Variants in ZNF100 observed in about 807,000 individuals in gnomAD.
ZNF100 encodes zinc finger protein 100.
ZNF100 carries 12 observed loss-of-function variants against 15.8 expected under a neutral mutation model. The observed-to-expected ratio is 0.76, with a 90% CI of 0.49 to 1.23. ZNF100 has a LOEUF of 1.23. Among genes scored for constraint, ZNF100 ranks in the 50% most tolerant of loss-of-function variants. The probability of loss-of-function intolerance (pLI) is 0.00; values close to 1 mark genes in which losing one functional copy is unlikely to be tolerated. For missense variants in ZNF100, 670 were observed against 635.6 expected, an observed-to-expected ratio of 1.05 and a Z score of -0.58; for synonymous variants, 226 against 214.8, an observed-to-expected ratio of 1.05 and a Z score of -0.45.
At chr19:21,760,945 A>G (rs2036474603) in intron 2 of ZNF100, among the ~76,000 whole-genome samples, 1 of 151,784 alleles carries the variant, frequency 6.6e-6, no homozygotes, top group South Asian at 2.1e-4. Flanking sequence ...TTTTTAGTAC[A>G]GACAGGGTTT....
Position 21,727,780 on chromosome 19 carries a change from G to T in ZNF100, c.532C>A (p.Gln178Lys), listed in dbSNP as rs373244973. 10 of 1,613,706 alleles carry T rather than the reference G, an allele frequency of 6.2e-6. No individual in the cohort carries two copies. The highest frequency in any genetic ancestry group is 1.6e-4 in the Middle Eastern group (1 of 6,080). The change falls in exon 5 of 5, where the codon CAA becomes AAA. Residue 178 changes from glutamine to lysine, a missense_variant. Transcript: ENST00000358296. ...CLITTQSNIF[Q>K]CDPSAKVFHT... The stretch of plus-strand genomic sequence containing the variant: ...AAGACTTTTGCAGATGGATCACATT[G>T]AAATATGTTGCTCTGGGTAGTTATC...
At chr19:21,746,867 G>C (rs1012356730) in intron 2 of ZNF100, 1 of 151,988 alleles carries the variant, frequency 6.6e-6, no homozygotes, top group Non-Finnish European at 1.5e-5. Context: ...TCTTCTCTTG[G>C]AATCCTTTTC....
chr19:21,735,421 G>A (rs1052178206), intron 4 of ZNF100, among the ~76,000 whole-genome samples: 10 of 151,154 alleles, frequency 6.6e-5, no homozygotes, highest in Non-Finnish European at 1.5e-4. Context: ...ATGAACCCCG[G>A]AGGCGGAGCT....
At chr19:21,735,225 T>C (rs2035986970) in intron 4 of ZNF100, among the ~76,000 whole-genome samples, 1 of 152,158 alleles carries the variant, frequency 6.6e-6, no homozygotes, top group Non-Finnish European at 1.5e-5. Flanking sequence ...TTAAATGGAC[T>C]GAATGCTCCA....
chr19:21,754,324 C>T (rs1423510210), intron 2 of ZNF100, among the ~76,000 whole-genome samples: 1 of 151,548 alleles, frequency 6.6e-6, no homozygotes, highest in Non-Finnish European at 1.5e-5. Flanking sequence ...AAGAATGTTA[C>T]AATTTATGTG....
chr19:21,766,385 C>G (rs1389518013), intron 1 of ZNF100, among the ~76,000 whole-genome samples: 2 of 148,342 alleles, frequency 1.3e-5, no homozygotes, highest in Non-Finnish European at 3.0e-5. Context: ...GGCAATTCCA[C>G]TGAGGTGTCT....
intron 4 of ZNF100, among the ~76,000 whole-genome samples, chr19:21,738,248 C>CAAAAA (rs769582572): frequency 4.7e-5 from 2 of 42,994 alleles, no homozygotes; most frequent in African/African-American, 1.9e-4. Context: ...GACACTATGT[C>CAAAAA]AAAAAAAAAA....
intron 2 of ZNF100, among the ~76,000 whole-genome samples, chr19:21,760,881 C>T (rs971774754): frequency 6.6e-6 from 1 of 151,480 alleles, no homozygotes; most frequent in African/African-American, 2.4e-5. Flanking sequence ...CTCAGCCTCC[C>T]GAGTAGCTGG....
chr19:21,744,448 C>CTACAACCT (rs2036175453), intron 3 of ZNF100, among the ~76,000 whole-genome samples: 1 of 152,164 alleles, frequency 6.6e-6, no homozygotes, highest in Admixed American at 6.5e-5. Flanking sequence ...TCTCGGCTCA[C>CTACAACCT]TACAACCTCC....
Position 21,726,453 on chromosome 19 carries a change from T to C in ZNF100, c.*230A>G. On this transcript the variant is annotated 3_prime_UTR_variant, in exon 5 of 5. Coordinates refer to ENST00000358296, the MANE Select transcript of ZNF100 (RefSeq NM_173531.4). ...TCACATTCTTCACATTTCTAGGATTTCTCAACACTATGATTTATGTTTTGA... is the reference window on the plus strand; with the variant it reads ...TCACATTCTTCACATTTCTAGGATTCCTCAACACTATGATTTATGTTTTGA... The C allele has an allele frequency of 2.0e-6, 1 of 488,526 alleles. No individual in the cohort carries two copies. Among genetic ancestry groups the C allele is most frequent in the Non-Finnish European group, 3.6e-6 (1 of 278,920 alleles). 30.3% of individuals were successfully genotyped at this position (488,526 alleles called of 1,614,324 possible).
rs1193056198 is a variant in ZNF100, at chr19:21,726,122, C to T, written c.*561G>A. 1 of 152,460 alleles carries T rather than the reference C, an allele frequency of 6.6e-6. No individual in the cohort carries two copies. The highest frequency in any genetic ancestry group is 1.5e-5 in the Non-Finnish European group (1 of 68,298). The allele number at this position is 152,460 out of a possible 1,614,324, so 9.4% of individuals were successfully genotyped here. ...TACAAGTAAACATATTACAATTCTA[C>T]TACAATGTTCTTCTTCAAAATACTC... On this transcript the variant is annotated 3_prime_UTR_variant, in exon 5 of 5. Transcript: ENST00000358296.
chr19:21,730,344 C>A (rs780670236), intron 4 of ZNF100, among the ~76,000 whole-genome samples: 11 of 150,462 alleles, frequency 7.3e-5, no homozygotes, highest in Non-Finnish European at 1.6e-4. Flanking sequence ...CTACATCTTA[C>A]GTGAAAAACT....
chr19:21,751,497 T>C (rs1463006757), intron 2 of ZNF100: 9 of 1,038,678 alleles, frequency 8.7e-6, no homozygotes, highest in Non-Finnish European at 1.4e-5. Context: ...TTAGAAAGGC[T>C]TTTAACTTAT....
chr19:21,737,389 G>A (rs1177115672), intron 4 of ZNF100, among the ~76,000 whole-genome samples: 1 of 151,742 alleles, frequency 6.6e-6, no homozygotes, highest in African/African-American at 2.4e-5. Context: ...AAAAAAATTA[G>A]TTGGGCATGG....
intron 2 of ZNF100, among the ~76,000 whole-genome samples, chr19:21,764,969 A>G (rs2036536473): frequency 6.6e-6 from 1 of 152,210 alleles, no homozygotes; most frequent in African/African-American, 2.4e-5. Context: ...GCCTGGGAGC[A>G]TTCTAAAAGC....
intron 4 of ZNF100, among the ~76,000 whole-genome samples, chr19:21,743,689 G>C (rs1365475865): frequency 1.3e-5 from 2 of 151,920 alleles, no homozygotes; most frequent in African/African-American, 4.8e-5. Flanking sequence ...AGATATCTGT[G>C]TGTCCCCCCA....
At chr19:21,750,393 A>T (rs887504271) in intron 2 of ZNF100, 10 of 152,160 alleles carry the variant, frequency 6.6e-5, no homozygotes, top group African/African-American at 2.4e-4. Flanking sequence ...GAGACACAAT[A>T]AAAAAAGAAA....
chr19:21,730,455 T>A (rs865913036), intron 4 of ZNF100, among the ~76,000 whole-genome samples: 2,856 of 150,438 alleles, frequency 0.019, 92 homozygotes, highest in African/African-American at 0.064. Flanking sequence ...AGTGTGTGTG[T>A]GTGTGTGTGT....
intron 4 of ZNF100, among the ~76,000 whole-genome samples, chr19:21,740,460 G>T (rs970047296): frequency 2.0e-5 from 3 of 151,368 alleles, no homozygotes; most frequent in African/African-American, 7.3e-5. Flanking sequence ...TTAACTACAC[G>T]CTACTTCAAA....
Sources: gnomAD v4.1 joint callset for allele counts (sites outside exome capture counted in the v4.1 genomes callset) on GRCh38, gnomAD v4.1.1 for gene constraint, MANE v1.5 for transcripts, NCBI Gene and HGNC (gene_info 2026-07-23, HGNC 2026-07-21) for gene names.